HS6ST3: variants seen among roughly 807,000 people sequenced by gnomAD.
HS6ST3 encodes the protein heparan-sulfate 6-O-sulfotransferase 3.
HS6ST3 carries 12 observed loss-of-function variants against 36.7 expected under a neutral mutation model. The ratio of observed to expected loss-of-function variants is 0.33; its 90% confidence interval spans 0.21 to 0.53. The LOEUF (loss-of-function observed/expected upper bound fraction) is 0.53. Ranked by LOEUF, HS6ST3 falls within the 20% of genes least tolerant of loss-of-function variation. The pLI is 0.95. For synonymous variants in HS6ST3, 240 were observed against 257.5 expected (o/e 0.93, Z 0.65); for missense variants, 584 against 640.9 (o/e 0.91, Z 0.96).
chr13:96,737,082 C>T (rs9513175), intron 1 of HS6ST3, among the ~76,000 whole-genome samples: 1 of 151,910 alleles, frequency 6.6e-6, no homozygotes, highest in Non-Finnish European at 1.5e-5. Context: ...AATTATACAG[C>T]TAATCAGTAA....
intron 1 of HS6ST3, among the ~76,000 whole-genome samples, chr13:96,124,872 A>G (rs2052143198): frequency 6.6e-6 from 1 of 152,202 alleles, no homozygotes; most frequent in Non-Finnish European, 1.5e-5. Flanking sequence ...GTATGCTACC[A>G]ATGATACGCC....
intron 1 of HS6ST3, among the ~76,000 whole-genome samples, chr13:96,236,394 C>G (rs1182906284): frequency 2.0e-5 from 3 of 152,100 alleles, no homozygotes; most frequent in Non-Finnish European, 4.4e-5. Flanking sequence ...AACCCCTAGC[C>G]TCTTGGTTCC....
intron 1 of HS6ST3, among the ~76,000 whole-genome samples, chr13:96,214,361 C>G (rs192160203): frequency 6.6e-6 from 1 of 152,150 alleles, no homozygotes; most frequent in African/African-American, 2.4e-5. Context: ...AATCTCATCT[C>G]ATCTCTGACC....
chr13:96,383,997 G>T (rs1424164875), intron 1 of HS6ST3, among the ~76,000 whole-genome samples: 2 of 152,176 alleles, frequency 1.3e-5, no homozygotes, highest in Non-Finnish European at 2.9e-5. Context: ...CAACAGTGTG[G>T]GAGTGGCACT....
chr13:96,514,227 G>A (rs1467433695), intron 1 of HS6ST3, among the ~76,000 whole-genome samples: 1 of 152,198 alleles, frequency 6.6e-6, no homozygotes, highest in Non-Finnish European at 1.5e-5. Flanking sequence ...CCAGCGTGCA[G>A]TAGGTTGATG....
At chr13:96,554,255 A>G (rs1040496217) in intron 1 of HS6ST3, among the ~76,000 whole-genome samples, 1 of 152,198 alleles carries the variant, frequency 6.6e-6, no homozygotes, top group Non-Finnish European at 1.5e-5. Flanking sequence ...AACAGCCAGG[A>G]AAGTGTGTTA....
chr13:96,265,741 G>C (rs1484367917), intron 1 of HS6ST3, among the ~76,000 whole-genome samples: 1 of 152,104 alleles, frequency 6.6e-6, no homozygotes, highest in Non-Finnish European at 1.5e-5. Context: ...GTTTATACTT[G>C]TTGTCATGGT....
At chr13:96,302,611 A>G (rs923035804) in intron 1 of HS6ST3, among the ~76,000 whole-genome samples, 1 of 152,170 alleles carries the variant, frequency 6.6e-6, no homozygotes, top group Non-Finnish European at 1.5e-5. Flanking sequence ...TGTAATGACT[A>G]TAAGGACAAC....
At chr13:96,831,529 T>C (rs758756668) in intron 1 of HS6ST3, among the ~76,000 whole-genome samples, 1 of 152,226 alleles carries the variant, frequency 6.6e-6, no homozygotes, top group Non-Finnish European at 1.5e-5. Context: ...GAGGATCATC[T>C]GTGCAAAGCA....
At chr13:96,700,952 T>C (rs1478416073) in intron 1 of HS6ST3, among the ~76,000 whole-genome samples, 1 of 152,154 alleles carries the variant, frequency 6.6e-6, no homozygotes, top group African/African-American at 2.4e-5. Flanking sequence ...CCAGGTCTCA[T>C]TTACTTCACC....
chr13:96,762,462 A>G (rs7320658), intron 1 of HS6ST3, among the ~76,000 whole-genome samples: 20,459 of 152,208 alleles, frequency 0.13, 1,734 homozygotes, highest in African/African-American at 0.22. Flanking sequence ...CCTAGGTGAC[A>G]GAGTGAGACT....
intron 1 of HS6ST3, among the ~76,000 whole-genome samples, chr13:96,293,566 CT>C (rs1384373601): frequency 6.6e-6 from 1 of 152,118 alleles, no homozygotes; most frequent in African/African-American, 2.4e-5. Flanking sequence ...ACACTCCCCC[CT>C]CATGTTTGCC....
At chr13:96,800,737 C>G (rs917067987) in intron 1 of HS6ST3, among the ~76,000 whole-genome samples, 1 of 151,988 alleles carries the variant, frequency 6.6e-6, no homozygotes, top group African/African-American at 2.4e-5. Context: ...TGCCAGATAT[C>G]TCACCACTAG....
At chr13:96,384,122 A>G (rs1426337571) in intron 1 of HS6ST3, among the ~76,000 whole-genome samples, 1 of 152,144 alleles carries the variant, frequency 6.6e-6, no homozygotes, top group Non-Finnish European at 1.5e-5. Context: ...TCTTGAAGTT[A>G]TATTTGTGGA....
At chr13:96,781,074 T>G (rs994578110) in intron 1 of HS6ST3, among the ~76,000 whole-genome samples, 1 of 152,304 alleles carries the variant, frequency 6.6e-6, no homozygotes. Context: ...GATAGCTGTG[T>G]CTGTCTAACT....
chr13:96,126,359 C>T (rs1280770979), intron 1 of HS6ST3, among the ~76,000 whole-genome samples: 4 of 152,232 alleles, frequency 2.6e-5, no homozygotes. Context: ...TTTGCTGCTT[C>T]CTCTCCACAT....
At chr13:96,139,709 A>G (rs749452332) in intron 1 of HS6ST3, among the ~76,000 whole-genome samples, 5 of 151,968 alleles carry the variant, frequency 3.3e-5, no homozygotes, top group Admixed American at 1.3e-4. Context: ...TGTATGAAAC[A>G]TAGCAATGAT....
chr13:96,672,445 C>A (rs760890868), intron 1 of HS6ST3, among the ~76,000 whole-genome samples: 1 of 152,144 alleles, frequency 6.6e-6, no homozygotes, highest in Non-Finnish European at 1.5e-5. Flanking sequence ...CAAGAGCCTG[C>A]GTGTTTCCTT....
At chr13:96,654,919 G>A (rs1442082480) in intron 1 of HS6ST3, among the ~76,000 whole-genome samples, 1 of 151,996 alleles carries the variant, frequency 6.6e-6, no homozygotes, top group East Asian at 1.9e-4. Flanking sequence ...TTAGAAAAGA[G>A]CCTGGAGTTA....
Sources: gnomAD v4.1 joint callset for allele counts (sites outside exome capture counted in the v4.1 genomes callset) on GRCh38, gnomAD v4.1.1 for gene constraint, MANE v1.5 for transcripts, NCBI Gene and HGNC (gene_info 2026-07-23, HGNC 2026-07-21) for gene names.